The following IQCM variants were observed in gnomAD, a reference collection of about 807,000 sequenced individuals.
IQCM encodes IQ domain-containing protein M.
IQCM carries 45 observed loss-of-function variants against 57.6 expected under a neutral mutation model. The ratio of observed to expected loss-of-function variants is 0.78; its 90% CI spans 0.62 to 1.00. The LOEUF is 1.00. IQCM is among the 50% of genes least tolerant of loss of function. The pLI is 0.00. For missense variants in IQCM, 468 were observed against 511.6 expected (o/e 0.91, Z 0.82); for synonymous variants, 148 against 158.9 (o/e 0.93, Z 0.51).
At chr4:149,416,213 T>C (rs962694352) in intron 13 of IQCM, among the ~76,000 whole-genome samples, 2 of 152,084 alleles carry the variant, frequency 1.3e-5, no homozygotes, top group Admixed American at 6.6e-5. Flanking sequence ...TCTCTTTCTC[T>C]CTCTGTCTGT....
At chr4:149,590,341 T>C (rs575306595) in intron 8 of IQCM, among the ~76,000 whole-genome samples, 77 of 150,300 alleles carry the variant, frequency 5.1e-4, no homozygotes, top group Admixed American at 1.0e-3. Flanking sequence ...CTTAGTCTTC[T>C]ACATACTTAT....
intron 9 of IQCM, among the ~76,000 whole-genome samples, chr4:149,568,895 C>A (rs1273495213): frequency 6.6e-6 from 1 of 152,188 alleles, no homozygotes; most frequent in African/African-American, 2.4e-5. Context: ...CGTGATTGTG[C>A]AGCCCTACTC....
At chr4:149,470,388 A>C (rs1448132899) in intron 12 of IQCM, among the ~76,000 whole-genome samples, 1 of 152,192 alleles carries the variant, frequency 6.6e-6, no homozygotes, top group Non-Finnish European at 1.5e-5. Flanking sequence ...GCCATGACAT[A>C]ATGGTAAATG....
Position 149,479,013 on chromosome 4 carries a change from T to A in IQCM, c.1229-45456A>T, listed in dbSNP as rs548255332. Among the ~76,000 whole-genome samples the A allele has an allele frequency of 7.2e-5, 11 of 151,826 alleles. No individual in the cohort carries two copies. The East Asian group carries it at 1.4e-3, about 19-fold the overall frequency. On this transcript the variant is annotated intron_variant, in intron 12 of 13. Transcript: ENST00000636793. Reference sequence around the variant, plus strand: ...AAATATTAGTTGATGATGATTAGAGTCCTTTCAATAGAATAAAAACTTTTG... The same window carrying A: ...AAATATTAGTTGATGATGATTAGAGACCTTTCAATAGAATAAAAACTTTTG...
At chr4:149,513,397 C>T (rs560789994) in intron 12 of IQCM, among the ~76,000 whole-genome samples, 2 of 151,880 alleles carry the variant, frequency 1.3e-5, no homozygotes, top group East Asian at 3.9e-4. Context: ...AACTAATATT[C>T]CCTTATAAAT....
intron 13 of IQCM, among the ~76,000 whole-genome samples, chr4:149,417,879 T>C (rs1274037054): frequency 6.6e-6 from 1 of 150,992 alleles, no homozygotes; most frequent in Admixed American, 6.6e-5. Context: ...TTGAAGATTG[T>C]AGGAATTTAT....
intron 7 of IQCM, among the ~76,000 whole-genome samples, chr4:149,681,335 A>T (rs572219528): frequency 2.0e-5 from 3 of 151,408 alleles, no homozygotes; most frequent in African/African-American, 7.2e-5. Context: ...CCAATGTAAC[A>T]ATCAAAATTG....
chr4:149,419,244 C>A (rs1489886554), intron 13 of IQCM, among the ~76,000 whole-genome samples: 2 of 152,026 alleles, frequency 1.3e-5, no homozygotes, highest in Admixed American at 6.6e-5. Context: ...TGAAACTATA[C>A]CACAAAACCA....
At chr4:149,720,738 A>G (rs1458362024) in intron 5 of IQCM, among the ~76,000 whole-genome samples, 2 of 152,220 alleles carry the variant, frequency 1.3e-5, no homozygotes, top group Admixed American at 6.5e-5. Flanking sequence ...AATGAAGAAA[A>G]GTAGAAGCAT....
chr4:149,430,459 A>G (rs1025972798), intron 13 of IQCM, among the ~76,000 whole-genome samples: 1 of 151,948 alleles, frequency 6.6e-6, no homozygotes, highest in Non-Finnish European at 1.5e-5. Context: ...GATGATAAAC[A>G]TTTCCATCAC....
At chr4:149,393,638 T>C (rs1732021172) in intron 13 of IQCM, among the ~76,000 whole-genome samples, 1 of 151,838 alleles carries the variant, frequency 6.6e-6, no homozygotes, top group African/African-American at 2.4e-5. Flanking sequence ...TTAAAAGGAT[T>C]AAGGGAGAAC....
intron 7 of IQCM, among the ~76,000 whole-genome samples, chr4:149,635,516 G>A (rs1214423106): frequency 6.6e-6 from 1 of 152,076 alleles, no homozygotes; most frequent in African/African-American, 2.4e-5. Context: ...CTACAAAAAG[G>A]TCATAAAGTA....
intron 2 of IQCM, among the ~76,000 whole-genome samples, chr4:149,755,273 C>T (rs1768854594): frequency 6.6e-6 from 1 of 152,134 alleles, no homozygotes; most frequent in Non-Finnish European, 1.5e-5. Context: ...CAACATCCTC[C>T]ATTCAAAAGC....
chr4:149,712,315 T>A (rs1251378454), intron 5 of IQCM, among the ~76,000 whole-genome samples: 2 of 151,938 alleles, frequency 1.3e-5, no homozygotes, highest in African/African-American at 4.8e-5. Context: ...GATCTCTTTA[T>A]CCTGTGCAGA....
chr4:149,812,233 C>T (rs1448274116), intron 2 of IQCM, among the ~76,000 whole-genome samples: 1 of 152,090 alleles, frequency 6.6e-6, no homozygotes, highest in Non-Finnish European at 1.5e-5. Flanking sequence ...TAAGAGTCAT[C>T]CTTAAACACC....
At chr4:149,507,715 C>T (rs554606129) in intron 12 of IQCM, among the ~76,000 whole-genome samples, 28 of 151,498 alleles carry the variant, frequency 1.8e-4, no homozygotes, top group African/African-American at 6.3e-4. Context: ...CATGACAATG[C>T]AATAGAAAAA....
At chr4:149,407,524 G>A (rs1733072092) in intron 13 of IQCM, among the ~76,000 whole-genome samples, 1 of 152,076 alleles carries the variant, frequency 6.6e-6, no homozygotes, top group African/African-American at 2.4e-5. Context: ...CAATGTCCAT[G>A]TACCCATTGA....
At chr4:149,450,578 C>T (rs1282767200) in intron 12 of IQCM, among the ~76,000 whole-genome samples, 1 of 151,644 alleles carries the variant, frequency 6.6e-6, no homozygotes, top group Non-Finnish European at 1.5e-5. Context: ...TCAAAGGAGA[C>T]ATATAAAAGG....
At chr4:149,629,040 G>A (rs1164311937) in intron 7 of IQCM, among the ~76,000 whole-genome samples, 2 of 152,054 alleles carry the variant, frequency 1.3e-5, no homozygotes, top group Non-Finnish European at 2.9e-5. Context: ...AAAGACTGAG[G>A]CATGAATCAA....
Sources: gnomAD v4.1 joint callset for allele counts (sites outside exome capture counted in the v4.1 genomes callset) on GRCh38, gnomAD v4.1.1 for gene constraint, MANE v1.5 for transcripts, NCBI Gene and HGNC (gene_info 2026-07-23, HGNC 2026-07-21) for gene names.